The following EFNA5 variants were observed in gnomAD, a reference collection of about 807,000 sequenced individuals.
EFNA5 encodes ephrin A5, also known as ephrin-A5.
A neutral mutation model predicts 22.9 loss-of-function variants in EFNA5; 5 were observed. That is an observed-to-expected ratio of 0.22 (90% CI 0.11 to 0.46). The LOEUF (loss-of-function observed/expected upper bound fraction) is 0.46, where lower values mean the gene tolerates loss of function less well. Among genes scored for constraint, EFNA5 ranks in the 20% least tolerant of loss-of-function variants. EFNA5 has a pLI of 0.99. For synonymous variants in EFNA5, 113 were observed against 112.2 expected (o/e 1.01, Z -0.04); for missense variants, 237 against 293.3 (o/e 0.81, Z 1.40).
intron 1 of EFNA5, among the ~76,000 whole-genome samples, chr5:107,482,850 CTCTCTCTCTCTCTCTCTCTCTATATATA>C (rs1561406349): frequency 1.0e-3 from 70 of 66,996 alleles, no homozygotes; most frequent in African/African-American, 4.3e-3. Context: ...CTCTCTCTCT[CTCTCTCTCTCTCTCTCTCTCTATATATA>C]TATATATATA....
chr5:107,622,415 A>T (rs1000515001), intron 1 of EFNA5, among the ~76,000 whole-genome samples: 1 of 152,240 alleles, frequency 6.6e-6, no homozygotes, highest in East Asian at 1.9e-4. Context: ...GGGTATTAAA[A>T]CCTTTCCAGG....
intron 2 of EFNA5, among the ~76,000 whole-genome samples, chr5:107,402,349 T>C (rs959070301): frequency 6.6e-6 from 1 of 152,200 alleles, no homozygotes; most frequent in Non-Finnish European, 1.5e-5. Context: ...GAACAAAAAA[T>C]ATGACTATGC....
intron 1 of EFNA5, among the ~76,000 whole-genome samples, chr5:107,448,669 A>T (rs2112443567): frequency 6.6e-6 from 1 of 151,918 alleles, no homozygotes; most frequent in East Asian, 1.9e-4. Context: ...TCTCTACTAA[A>T]AATACAAAAA....
At chr5:107,489,661 C>CCG (rs1746746910) in intron 1 of EFNA5, among the ~76,000 whole-genome samples, 1 of 53,886 alleles carries the variant, frequency 1.9e-5, no homozygotes, top group African/African-American at 1.0e-4. Flanking sequence ...ACCCCACCTA[C>CCG]CCCCCCCACC....
chr5:107,619,561 C>A (rs2112527513), intron 1 of EFNA5, among the ~76,000 whole-genome samples: 1 of 151,680 alleles, frequency 6.6e-6, no homozygotes, highest in East Asian at 2.0e-4. Flanking sequence ...CTCCTGAGTT[C>A]ACGCGATTCT....
intron 1 of EFNA5, among the ~76,000 whole-genome samples, chr5:107,558,044 T>C (rs1327117917): frequency 6.6e-6 from 1 of 152,138 alleles, no homozygotes; most frequent in Non-Finnish European, 1.5e-5. Context: ...GCCTGGCACA[T>C]GGTATATATA....
chr5:107,564,683 G>A (rs910443774), intron 1 of EFNA5, among the ~76,000 whole-genome samples: 2 of 148,962 alleles, frequency 1.3e-5, no homozygotes, highest in East Asian at 2.0e-4. Flanking sequence ...AATGACCTGG[G>A]CAGGTCCCTG....
chr5:107,511,587 T>A (rs548725410), intron 1 of EFNA5, among the ~76,000 whole-genome samples: 66 of 152,328 alleles, frequency 4.3e-4, no homozygotes, highest in African/African-American at 1.6e-3. Context: ...TGACTTTCTA[T>A]GAATATCCAT....
chr5:107,670,176 C>T (rs1396236167), intron 1 of EFNA5, among the ~76,000 whole-genome samples: 3 of 152,062 alleles, frequency 2.0e-5, no homozygotes, highest in African/African-American at 7.2e-5. Context: ...AGCCAGATGC[C>T]GGGGCTGGGA....
chr5:107,596,649 T>C (rs1342886297), intron 1 of EFNA5, among the ~76,000 whole-genome samples: 2 of 152,138 alleles, frequency 1.3e-5, no homozygotes, highest in African/African-American at 2.4e-5. Flanking sequence ...GATAATTCAA[T>C]CTTTGGCCTG....
intron 1 of EFNA5, among the ~76,000 whole-genome samples, chr5:107,538,251 T>C (rs939091937): frequency 2.6e-5 from 4 of 152,228 alleles, no homozygotes; most frequent in African/African-American, 9.6e-5. Context: ...GCACCTGGAT[T>C]CTTCTCTCAG....
chr5:107,410,397 G>C (rs1014204771), intron 2 of EFNA5, among the ~76,000 whole-genome samples: 7 of 152,118 alleles, frequency 4.6e-5, no homozygotes, highest in Non-Finnish European at 1.0e-4. Flanking sequence ...CAGAAAGTCT[G>C]GTTGCACTGA....
intron 1 of EFNA5, among the ~76,000 whole-genome samples, chr5:107,549,955 G>C (rs1748251711): frequency 6.6e-6 from 1 of 152,266 alleles, no homozygotes; most frequent in Non-Finnish European, 1.5e-5. Flanking sequence ...GGAAATGGAA[G>C]TCATTCCTTA....
chr5:107,553,474 C>T (rs773509687), intron 1 of EFNA5, among the ~76,000 whole-genome samples: 2 of 152,198 alleles, frequency 1.3e-5, no homozygotes, highest in Non-Finnish European at 2.9e-5. Context: ...GGAAGGCAAA[C>T]CCATCCATTA....
At chr5:107,382,894 C>T (rs1462772707) in intron 4 of EFNA5, among the ~76,000 whole-genome samples, 2 of 152,182 alleles carry the variant, frequency 1.3e-5, no homozygotes, top group African/African-American at 4.8e-5. Flanking sequence ...GGATGACCCA[C>T]CTCAAACCCC....
At position 107,399,333 on chromosome 5, in the gene EFNA5, A is replaced by AC. The variant is rs753560044; in HGVS notation, c.419-11563_419-11562insG. On this transcript the variant is annotated intron_variant, in intron 2 of 4. Coordinates refer to ENST00000333274, the MANE Select transcript of EFNA5 (RefSeq NM_001962.3). ...AGGAAGGAAACGGAAAGGAAAGGAAAGGAAAGGAAAGGAAAGGAAAGGAAA... is the reference window on the plus strand; with the variant it reads ...AGGAAGGAAACGGAAAGGAAAGGAAACGGAAAGGAAAGGAAAGGAAAGGAAA... Among the ~76,000 whole-genome samples, 302 of 147,210 alleles carry AC rather than the reference A, an allele frequency of 2.1e-3. 2 individuals are homozygous for AC. Among genetic ancestry groups the AC allele is most frequent in the African/African-American group, 7.2e-3 (283 of 39,384 alleles).
intron 1 of EFNA5, among the ~76,000 whole-genome samples, chr5:107,598,410 A>G (rs567925712): frequency 6.6e-6 from 1 of 152,318 alleles, no homozygotes; most frequent in East Asian, 1.9e-4. Context: ...TTCTCTATGA[A>G]TGGAGGAAAT....
At chr5:107,589,704 A>C (rs1306882430) in intron 1 of EFNA5, among the ~76,000 whole-genome samples, 1 of 152,180 alleles carries the variant, frequency 6.6e-6, no homozygotes, top group Non-Finnish European at 1.5e-5. Flanking sequence ...AGAAAAAAGA[A>C]GGCCAGAGAC....
At chr5:107,529,388 C>T (rs767074606) in intron 1 of EFNA5, among the ~76,000 whole-genome samples, 9 of 152,018 alleles carry the variant, frequency 5.9e-5, no homozygotes, top group Admixed American at 1.3e-4. Flanking sequence ...TAGCTGCCAC[C>T]GTAGCCCAAA....
Sources: allele counts gnomAD v4.1 joint callset (sites outside exome capture counted in the v4.1 genomes callset), GRCh38; gene constraint gnomAD v4.1.1; transcripts MANE v1.5; gene names NCBI Gene and HGNC (gene_info 2026-07-23, HGNC 2026-07-21).